Variants in RFX1 observed in about 807,000 individuals in gnomAD.
RFX1 encodes regulatory factor X1.
In RFX1, 42 loss-of-function variants were observed where a neutral mutation model predicts 119.6. The observed-to-expected ratio is 0.35, with a 90% CI of 0.27 to 0.45. The LOEUF (loss-of-function observed/expected upper bound fraction) is 0.45, where lower values mean the gene tolerates loss of function less well. Among genes scored for constraint, RFX1 ranks in the 20% least tolerant of loss-of-function variants. The pLI is 1.00. For synonymous variants in RFX1, 628 were observed against 618.5 expected (o/e 1.02, Z -0.23); for missense variants, 1,118 against 1,368.1 (o/e 0.82, Z 2.88).
intron 8 of RFX1, among the ~76,000 whole-genome samples, chr19:13,975,560 G>A (rs73924061): frequency 0.023 from 3,555 of 152,108 alleles, 158 homozygotes; most frequent in African/African-American, 0.077. Context: ...TCCAGCTCTC[G>A]ATCTCTCTGT....
chr19:13,987,174 T>C (rs1256246818), intron 2 of RFX1, among the ~76,000 whole-genome samples: 1 of 152,164 alleles, frequency 6.6e-6, no homozygotes, highest in East Asian at 1.9e-4. Flanking sequence ...GCAGGCCGGC[T>C]CGGTTTCACC....
rs1409005912 is a variant in RFX1 at position 13,963,348 on chromosome 19, T to TG, written c.2571-74dup. On this transcript the variant is annotated intron_variant, in intron 18 of 20. Transcript: ENST00000254325. Reference sequence around the variant, plus strand: ...CCCCCTCTCCCCCTCCCCGCTGCGATGCGCCCGGGCCTCGCGCCAGCCCAG... The same window carrying TG: ...CCCCCTCTCCCCCTCCCCGCTGCGATGGCGCCCGGGCCTCGCGCCAGCCCAG... 3.9e-6 allele frequency: 6 copies of TG among 1,519,468 alleles called. No individual in the cohort carries two copies. In the East Asian group the frequency reaches 1.5e-4, roughly 37 times the overall value. 94.1% of individuals were successfully genotyped at this position (1,519,468 alleles called of 1,614,324 possible).
In RFX1 at chr19:13,990,690, A is replaced by T. The variant is rs972925935; in HGVS notation, c.319+2835T>A. ...AAATTAGCCAGGCATGGTGGCGGGCACCTATAGTCCCAGCTACTTGGGAGG... is the reference window on the plus strand; with the variant it reads ...AAATTAGCCAGGCATGGTGGCGGGCTCCTATAGTCCCAGCTACTTGGGAGG... On this transcript the variant is annotated intron_variant, in intron 2 of 20. Coordinates refer to ENST00000254325, the MANE Select transcript of RFX1 (RefSeq NM_002918.5). The surrounding 1 kb of genome is among the most constrained non-coding windows in gnomAD (Gnocchi z 4.1). Among the ~76,000 whole-genome samples, 6 of 152,032 alleles carry T rather than the reference A, an allele frequency of 3.9e-5. No individual in the cohort carries two copies. Among genetic ancestry groups the T allele is most frequent in the Non-Finnish European group, 7.4e-5 (5 of 68,012 alleles).
rs1195457368 is a variant in RFX1 at position 13,969,996 on chromosome 19, G to C, written c.1494C>G (p.Thr498=). 1 of 1,608,792 alleles carries C rather than the reference G, an allele frequency of 6.2e-7. No individual in the cohort carries two copies. The highest frequency in any genetic ancestry group is 1.7e-5 in the Admixed American group (1 of 59,662). ...FMGLRTRRLG[T]RGNSKYHYYG... ...TGGGAGTAGACGGATGGCCCTACCT[G>C]GTGCCCAGACGGCGGGTTCGCAGGC... Residue 498 remains threonine (T), a splice_region_variant and synonymous_variant, in exon 10 of 21, where the codon ACC becomes ACG. Transcript: ENST00000254325. The surrounding 1 kb of genome is among the most constrained non-coding windows in gnomAD (Gnocchi z 4.5).
chr19:13,962,877 G>T lies in RFX1; in HGVS notation c.2771-13C>A. On this transcript the variant is annotated splice_polypyrimidine_tract_variant and intron_variant, in intron 20 of 20. Transcript: ENST00000254325. ...TCTTCCTCCTCGTCTGGAACACAGG[G>T]ACCAAGTCCGGCTCGGGGCGGGGTG... 6.5e-7 allele frequency: 1 copy of T among 1,532,652 alleles called. No homozygotes were observed. 94.9% of individuals were successfully genotyped at this position (1,532,652 alleles called of 1,614,324 possible).
Position 13,986,283 on chromosome 19 carries a change from A to G in RFX1, c.320-2688T>C, listed in dbSNP as rs532305329. Among the ~76,000 whole-genome samples the G allele has an allele frequency of 1.3e-3, 193 of 152,154 alleles. 1 individual carries two copies. The highest frequency in any genetic ancestry group is 0.01 in the Middle Eastern group (3 of 294). On this transcript the variant is annotated intron_variant, in intron 2 of 20. Coordinates refer to ENST00000254325, the MANE Select transcript of RFX1 (RefSeq NM_002918.5). The surrounding 1 kb of genome is among the most constrained non-coding windows in gnomAD (Gnocchi z 4.2). ...AGGGGCTGGTCGCTGAGCAGGACCT[A>G]CAGCAGGAGGAGGCCTGGGGACCTG...
intron 8 of RFX1, among the ~76,000 whole-genome samples, chr19:13,975,880 G>A (rs1599488085): frequency 6.6e-6 from 1 of 152,368 alleles, no homozygotes; most frequent in Middle Eastern, 3.4e-3. Context: ...GACAGAAGGG[G>A]TGGGCAGCTG....
In RFX1 at chr19:13,970,208, C is replaced by T. The variant is rs1026553358; in HGVS notation, c.1315-33G>A. The T allele has an allele frequency of 3.2e-6, 5 of 1,548,814 alleles. No homozygotes were observed. The African/African-American group carries it at 6.9e-5, about 21-fold the overall frequency. ...GGGAGGGAGATGGGAGAGCACCAGT[C>T]AGAGGCGCTTCCGTCATCTCTGAGT... On this transcript the variant is annotated intron_variant, in intron 9 of 20. Coordinates refer to ENST00000254325, the MANE Select transcript of RFX1 (RefSeq NM_002918.5).
intron 1 of RFX1, among the ~76,000 whole-genome samples, chr19:13,999,489 C>G (rs912365414): frequency 6.6e-5 from 10 of 152,218 alleles, no homozygotes; most frequent in African/African-American, 2.4e-4. Flanking sequence ...AACAAATGAG[C>G]AGGCTGTGTG....
At chr19:13,988,080 G>T (rs1331807080) in intron 2 of RFX1, among the ~76,000 whole-genome samples, 1 of 148,704 alleles carries the variant, frequency 6.7e-6, no homozygotes, top group African/African-American at 2.5e-5. Flanking sequence ...AGGCTGGAGC[G>T]CAATGACATG....
chr19:13,962,898 G>A lies in RFX1; in HGVS notation c.2771-34C>T. The A allele has an allele frequency of 2.6e-6, 4 of 1,537,812 alleles. No homozygotes were observed. The South Asian group carries it at 3.6e-5, about 14-fold the overall frequency. The stretch of plus-strand genomic sequence containing the variant: ...CAGGGACCAAGTCCGGCTCGGGGCG[G>A]GGTGGCAACGCCCCCGGGCTCCTCC... On this transcript the variant is annotated intron_variant, in intron 20 of 20. Coordinates refer to ENST00000254325, the MANE Select transcript of RFX1 (RefSeq NM_002918.5).
At chr19:13,973,202 A>C (rs1439588559) in intron 8 of RFX1, 75 bp from the exon 9 acceptor site, 920 of 414,918 alleles carry the variant, frequency 2.2e-3, no homozygotes, top group Middle Eastern at 4.1e-3. Flanking sequence ...CTGTGCAGGA[A>C]GGGGGGTCCT....
chr19:13,987,462 G>C (rs1011838897), intron 2 of RFX1, among the ~76,000 whole-genome samples: 1 of 152,042 alleles, frequency 6.6e-6, no homozygotes, highest in African/African-American at 2.4e-5. Context: ...CCACCTCCCT[G>C]GGTCCCTGGT....
Position 13,987,932 on chromosome 19 carries a change from C to T in RFX1, c.320-4337G>A, listed in dbSNP as rs574757793. 3.3e-5 allele frequency among the ~76,000 whole-genome samples: 5 copies of T among 152,260 alleles called. No homozygotes were observed. The East Asian group carries it at 7.7e-4, about 23-fold the overall frequency. On this transcript the variant is annotated intron_variant, in intron 2 of 20. Coordinates refer to ENST00000254325, the MANE Select transcript of RFX1 (RefSeq NM_002918.5). ...CCAAGATGGGGGAGACAGAGGCCAC[C>T]TCCCCATGCCTAACAGCTACTTAGA...
chr19:13,978,129 G>T, intron 7 of RFX1, 43 bp from the exon 8 acceptor site: 2 of 1,452,246 alleles, frequency 1.4e-6, no homozygotes, highest in Non-Finnish European at 9.6e-7. Context: ...GGGTGGGCCA[G>T]CTCCTACGGT....
At chr19:13,983,075 A>T in intron 4 of RFX1, 112 bp downstream of exon 4, 2 of 814,294 alleles carry the variant, frequency 2.5e-6, no homozygotes, top group Non-Finnish European at 3.9e-6. Flanking sequence ...CAGCCCCTGG[A>T]TGGGGACTCT....
At chr19:13,983,709 C>A in intron 2 of RFX1, 114 bp from the exon 3 acceptor site, 2 of 848,434 alleles carry the variant, frequency 2.4e-6, no homozygotes, top group Non-Finnish European at 3.7e-6. Flanking sequence ...CAAGGTCAGG[C>A]CCCTCCAAGA....
intron 16 of RFX1, among the ~76,000 whole-genome samples, chr19:13,964,272 A>G (rs1303840127): frequency 6.6e-6 from 1 of 152,094 alleles, no homozygotes; most frequent in Non-Finnish European, 1.5e-5. Context: ...TAAAATAACT[A>G]TTGAGACAGG....
intron 18 of RFX1, 74 bp from the exon 19 acceptor site, chr19:13,963,349 G>T (rs1973779575): frequency 6.6e-7 from 1 of 1,519,484 alleles, no homozygotes. Context: ...CCGCTGCGAT[G>T]CGCCCGGGCC....
Sources: allele counts gnomAD v4.1 joint callset (sites outside exome capture counted in the v4.1 genomes callset), GRCh38; gene constraint gnomAD v4.1.1; non-coding constraint Gnocchi (gnomAD v3.1); transcripts MANE v1.5; gene names NCBI Gene and HGNC (gene_info 2026-07-23, HGNC 2026-07-21).